The following CUL1 variants were observed in gnomAD, a reference collection of about 807,000 sequenced individuals.
CUL1 encodes cullin-1.
A neutral mutation model predicts 118.0 loss-of-function variants in CUL1; 24 were observed. That is an observed-to-expected ratio of 0.20 (90% CI 0.15 to 0.29). The LOEUF (loss-of-function observed/expected upper bound fraction) is 0.29. Among genes scored for constraint, CUL1 ranks in the 10% least tolerant of loss-of-function variants. CUL1 has a pLI of 1.00. For missense variants in CUL1, 361 were observed against 933.8 expected (o/e 0.39, Z 7.99); for synonymous variants, 332 against 340.4 (o/e 0.98, Z 0.27).
At chr7:148,798,518 T>C (rs1801283163) in intron 19 of CUL1, 54 bp from the exon 20 acceptor site, 1 of 1,362,290 alleles carries the variant, frequency 7.3e-7, no homozygotes, top group South Asian at 1.2e-5. Flanking sequence ...AAAGCAGCCT[T>C]CACTGCCTAC....
intron 2 of CUL1, among the ~76,000 whole-genome samples, chr7:148,733,853 G>A (rs944347719): frequency 6.6e-6 from 1 of 152,116 alleles, no homozygotes; most frequent in Non-Finnish European, 1.5e-5. Flanking sequence ...GGAGAAAATT[G>A]TGTGTTTTTT....
intron 2 of CUL1, among the ~76,000 whole-genome samples, chr7:148,752,080 C>T (rs1221539907): frequency 1.3e-5 from 2 of 152,112 alleles, no homozygotes; most frequent in South Asian, 4.2e-4. Flanking sequence ...CATTGCACTC[C>T]AGTCTGGGCA....
At chr7:148,758,421 A>G (rs1174769594) in intron 4 of CUL1, among the ~76,000 whole-genome samples, 1 of 152,144 alleles carries the variant, frequency 6.6e-6, no homozygotes, top group African/African-American at 2.4e-5. Flanking sequence ...ACTTTGGGAG[A>G]CCGAGGCAGG....
At chr7:148,768,471 G>A (rs1441611789) in intron 9 of CUL1, among the ~76,000 whole-genome samples, 1 of 138,696 alleles carries the variant, frequency 7.2e-6, no homozygotes, top group Non-Finnish European at 1.5e-5. Context: ...TGCAACCTCC[G>A]CTTCCTGGGT....
chr7:148,757,770 G>T (rs1201069736), intron 4 of CUL1, among the ~76,000 whole-genome samples: 4 of 152,174 alleles, frequency 2.6e-5, no homozygotes, highest in African/African-American at 9.7e-5. Flanking sequence ...TGGCTGGGAA[G>T]GCCTCACAAC....
At chr7:148,778,097 AG>A (rs554375238) in intron 9 of CUL1, among the ~76,000 whole-genome samples, 595 of 58,236 alleles carry the variant, frequency 0.01, 43 homozygotes, top group African/African-American at 0.036. Context: ...AAAAAAAAAA[AG>A]AAGAAGAAGA....
chr7:148,753,511 T>C (rs1799560482), intron 2 of CUL1, among the ~76,000 whole-genome samples: 1 of 152,230 alleles, frequency 6.6e-6, no homozygotes. Flanking sequence ...AGGACTTGGC[T>C]CTCTGAGTCA....
intron 11 of CUL1, among the ~76,000 whole-genome samples, chr7:148,785,945 G>C (rs772096346): frequency 6.6e-6 from 1 of 152,136 alleles, no homozygotes; most frequent in Admixed American, 6.5e-5. Context: ...TGGCTGATTC[G>C]TTTTATATGA....
At chr7:148,798,141 C>CT (rs1423117171) in intron 19 of CUL1, 122 bp downstream of exon 19, 7 of 609,740 alleles carry the variant, frequency 1.1e-5, no homozygotes, top group Non-Finnish European at 1.4e-5. Context: ...AAGCGACAGG[C>CT]ACTAGGCTGG....
chr7:148,712,332 A>G (rs561381492), intron 1 of CUL1, among the ~76,000 whole-genome samples: 134 of 152,358 alleles, frequency 8.8e-4, no homozygotes, highest in Non-Finnish European at 1.6e-3. Flanking sequence ...GAATTTTAAG[A>G]TAGAGTGATA....
In CUL1 at chr7:148,730,070, C is replaced by T; in HGVS notation, c.-53C>T. On this transcript the variant is annotated 5_prime_UTR_variant, in exon 2 of 22. Coordinates refer to ENST00000325222, the MANE Select transcript of CUL1 (RefSeq NM_003592.3). ...ATATTTTCATCTAATGGAGAACTAG[C>T]TGTACTTTGAATAAGGATTGCTGCA... The T allele has an allele frequency of 1.3e-6, 2 of 1,571,300 alleles. No homozygotes were observed. Among genetic ancestry groups the T allele is most frequent in the Admixed American group, 3.6e-5 (2 of 55,120 alleles).
chr7:148,698,770 C>CCGAGAGGGCGGGGAGCCGCGCAGGGAAGG, upstream of CUL1: 1 of 153,546 alleles, frequency 6.5e-6, no homozygotes, highest in Non-Finnish European at 1.5e-5. Flanking sequence ...GCCGGTGAGG[C>CCGAGAGGGCGGGGAGCCGCGCAGGGAAGG]CGAGAGGGCG....
At chr7:148,731,855 T>A (rs1209389200) in intron 2 of CUL1, among the ~76,000 whole-genome samples, 1 of 152,248 alleles carries the variant, frequency 6.6e-6, no homozygotes, top group Non-Finnish European at 1.5e-5. Context: ...CGTATCACTG[T>A]GTACGTCATT....
chr7:148,759,409 G>C, intron 5 of CUL1, 55 bp downstream of exon 5: 1 of 1,582,200 alleles, frequency 6.3e-7, no homozygotes, highest in Non-Finnish European at 8.7e-7. Context: ...TCGCAGTTTC[G>C]TTGCTTAGCT....
At chr7:148,766,446 C>A in intron 7 of CUL1, 115 bp from the exon 8 acceptor site, 4 of 883,378 alleles carry the variant, frequency 4.5e-6, no homozygotes, top group Non-Finnish European at 6.8e-6. Flanking sequence ...TTTATTAGAG[C>A]TGGCATGTGA....
intron 2 of CUL1, among the ~76,000 whole-genome samples, chr7:148,742,393 A>G (rs894345479): frequency 6.6e-6 from 1 of 152,098 alleles, no homozygotes; most frequent in African/African-American, 2.4e-5. Flanking sequence ...TTATAAAACC[A>G]TCAGATTCTA....
chr7:148,797,961 G>A lies in CUL1; in HGVS notation c.1972G>A (p.Val658Ile). ...LLVLEDENAN[V>I]DEVELKPDTL... ...GGTCTTGGAAGATGAAAATGCAAATGTTGATGAGGTGGAATTGAAGCCAGA... is the reference window on the plus strand; with the variant it reads ...GGTCTTGGAAGATGAAAATGCAAATATTGATGAGGTGGAATTGAAGCCAGA... The change falls in exon 19 of 22, where the codon GTT becomes ATT. Residue 658 changes from valine to isoleucine, a missense_variant. Physicochemically the swap from Val to Ile is conservative, Grantham distance 29 (BLOSUM62 3). Transcript: ENST00000325222. 6.2e-7 allele frequency: 1 copy of A among 1,612,874 alleles called. No homozygotes were observed.
At chr7:148,777,969 A>C (rs1389534266) in intron 9 of CUL1, among the ~76,000 whole-genome samples, 5 of 150,546 alleles carry the variant, frequency 3.3e-5, no homozygotes, top group Non-Finnish European at 5.9e-5. Context: ...AGGCTGAGGC[A>C]GAAGAGTCAC....
intron 1 of CUL1, among the ~76,000 whole-genome samples, chr7:148,716,398 A>T (rs1011385943): frequency 3.3e-5 from 5 of 152,236 alleles, no homozygotes; most frequent in Admixed American, 2.0e-4. Context: ...CTTTGCTAAA[A>T]GTACTGCATC....
Sources: allele counts gnomAD v4.1 joint callset (sites outside exome capture counted in the v4.1 genomes callset), GRCh38; gene constraint gnomAD v4.1.1; transcripts MANE v1.5; gene names NCBI Gene and HGNC (gene_info 2026-07-23, HGNC 2026-07-21).